UBE2E3: variants seen among roughly 807,000 people sequenced by gnomAD.
The protein encoded by UBE2E3 is ubiquitin conjugating enzyme E2 E3, also known as ubiquitin-conjugating enzyme E2 E3.
A neutral mutation model predicts 23.6 loss-of-function variants in UBE2E3; 5 were observed. The ratio of observed to expected loss-of-function variants is 0.21; its 90% CI spans 0.11 to 0.44. UBE2E3 has a LOEUF of 0.44. UBE2E3 is among the 20% of genes least tolerant of loss of function. The probability of loss-of-function intolerance (pLI) is 0.99; values close to 1 mark genes in which losing one functional copy is unlikely to be tolerated. For synonymous variants in UBE2E3, 78 were observed against 87.5 expected (o/e 0.89, Z 0.60); for missense variants, 81 against 249.8 (o/e 0.32, Z 4.55).
intron 3 of UBE2E3, among the ~76,000 whole-genome samples, chr2:181,012,323 G>A (rs538348098): frequency 4.7e-4 from 71 of 152,160 alleles, no homozygotes; most frequent in African/African-American, 1.7e-3. Flanking sequence ...CAGTTGACAG[G>A]GTATTGGTTA....
intron 3 of UBE2E3, among the ~76,000 whole-genome samples, chr2:181,037,443 A>G (rs938551284): frequency 4.6e-5 from 7 of 152,160 alleles, no homozygotes; most frequent in African/African-American, 1.7e-4. Context: ...GCGGTGGAAG[A>G]CAGTAGTGAT....
rs2105641458 is a variant in UBE2E3, at chr2:181,028,760, T to G, written c.246-28933T>G. Among the ~76,000 whole-genome samples, 3 of 152,224 alleles carry G rather than the reference T, an allele frequency of 2.0e-5. No individual in the cohort carries two copies. In the Middle Eastern group the frequency reaches 0.01, roughly 518 times the overall value. Reference sequence around the variant, plus strand: ...TTGTTTTATTAGGGGTTCTTATGTATTGTGGATACAGATGCCTTTTGTACA... The same window carrying G: ...TTGTTTTATTAGGGGTTCTTATGTAGTGTGGATACAGATGCCTTTTGTACA... On this transcript the variant is annotated intron_variant, in intron 3 of 5. Transcript: ENST00000410062.
At chr2:180,981,996 C>T (rs375318991) in intron 1 of UBE2E3, 22 bp from the exon 2 acceptor site, 82 of 1,515,886 alleles carry the variant, frequency 5.4e-5, no homozygotes, top group Admixed American at 8.2e-5. Flanking sequence ...TTCTCCTCCT[C>T]CTCCCCTGTT....
chr2:181,003,332 T>C (rs891900823), intron 3 of UBE2E3, among the ~76,000 whole-genome samples: 2 of 152,232 alleles, frequency 1.3e-5, no homozygotes, highest in African/African-American at 4.8e-5. Context: ...ATAGACAATC[T>C]TGCCATTAGC....
At chr2:180,987,367 C>A (rs958514111) in intron 3 of UBE2E3, 2 of 1,549,928 alleles carry the variant, frequency 1.3e-6, no homozygotes, top group African/African-American at 2.7e-5. Flanking sequence ...CTAGTCACCA[C>A]TTGTGCAAAC....
intron 3 of UBE2E3, among the ~76,000 whole-genome samples, chr2:181,032,226 A>G (rs548783097): frequency 1.3e-5 from 2 of 152,310 alleles, no homozygotes; most frequent in African/African-American, 4.8e-5. Flanking sequence ...AGCGAACATC[A>G]TTATTTCAAA....
intron 3 of UBE2E3, among the ~76,000 whole-genome samples, chr2:181,041,883 C>G (rs1343699851): frequency 6.6e-6 from 1 of 152,184 alleles, no homozygotes; most frequent in Non-Finnish European, 1.5e-5. Flanking sequence ...ACACCTCATC[C>G]TTGCCATCAC....
chr2:181,000,507 C>A (rs1684959063), intron 3 of UBE2E3, among the ~76,000 whole-genome samples: 1 of 151,940 alleles, frequency 6.6e-6, no homozygotes, highest in Non-Finnish European at 1.5e-5. Context: ...TAAATGGTAT[C>A]CCCTGAGTTG....
At chr2:181,048,486 G>C (rs1009211608) in intron 3 of UBE2E3, among the ~76,000 whole-genome samples, 2 of 152,080 alleles carry the variant, frequency 1.3e-5, no homozygotes, top group African/African-American at 4.8e-5. Flanking sequence ...ACCATTTCCT[G>C]GTTGGTTGTT....
At chr2:180,991,980 G>A (rs904948717) in intron 3 of UBE2E3, among the ~76,000 whole-genome samples, 2 of 152,206 alleles carry the variant, frequency 1.3e-5, no homozygotes, top group Non-Finnish European at 2.9e-5. Context: ...TGCACAGATA[G>A]GTAGGGACTG....
chr2:180,997,846 A>G (rs1342216034), intron 3 of UBE2E3, among the ~76,000 whole-genome samples: 2 of 152,088 alleles, frequency 1.3e-5, no homozygotes, highest in Admixed American at 6.6e-5. Flanking sequence ...TTTAAAGCCT[A>G]TTTCAGATGT....
chr2:181,023,842 T>TCATA (rs1179542900), intron 3 of UBE2E3, among the ~76,000 whole-genome samples: 1 of 152,194 alleles, frequency 6.6e-6, no homozygotes, highest in Non-Finnish European at 1.5e-5. Context: ...CATGGAAAGT[T>TCATA]CATAAACTGG....
At chr2:181,053,655 G>T (rs1206025499) in intron 3 of UBE2E3, among the ~76,000 whole-genome samples, 1 of 151,792 alleles carries the variant, frequency 6.6e-6, no homozygotes, top group Non-Finnish European at 1.5e-5. Context: ...CCACACTACA[G>T]TGGTATAGTT....
At position 180,982,177 on chromosome 2, in the gene UBE2E3, G is replaced by A; in HGVS notation, c.135G>A (p.Gln45=). The change falls in exon 2 of 6, where the codon CAG becomes CAA. Residue 45 remains glutamine, a synonymous_variant. Transcript: ENST00000410062. ...QEERKPSATQ[Q]KKNTKLSSKT... ...AAAGAAAACCTTCTGCCACCCAGCA[G>A]AAGAAAAACACCAAACTCTCTAGCA... 3 of 1,612,884 alleles carry A rather than the reference G, an allele frequency of 1.9e-6. No individual in the cohort carries two copies. Among genetic ancestry groups the A allele is most frequent in the African/African-American group, 1.3e-5 (1 of 74,830 alleles).
intron 3 of UBE2E3, among the ~76,000 whole-genome samples, chr2:181,055,786 A>G (rs1202202710): frequency 6.6e-6 from 1 of 151,808 alleles, no homozygotes; most frequent in Non-Finnish European, 1.5e-5. Context: ...GTGGGAATCC[A>G]AGCTCTTCTA....
chr2:181,039,756 C>T (rs1686424330), intron 3 of UBE2E3, among the ~76,000 whole-genome samples: 1 of 152,144 alleles, frequency 6.6e-6, no homozygotes, highest in Non-Finnish European at 1.5e-5. Flanking sequence ...AAAATGTCAT[C>T]CCGTGGTATC....
intron 3 of UBE2E3, among the ~76,000 whole-genome samples, chr2:181,028,563 C>T (rs1451915928): frequency 6.6e-6 from 1 of 152,130 alleles, no homozygotes; most frequent in East Asian, 1.9e-4. Flanking sequence ...TCAACTCTGA[C>T]AATCTTCAGA....
At chr2:181,054,529 A>G (rs970626090) in intron 3 of UBE2E3, among the ~76,000 whole-genome samples, 1 of 151,724 alleles carries the variant, frequency 6.6e-6, no homozygotes, top group Non-Finnish European at 1.5e-5. Flanking sequence ...CCATCTGTTT[A>G]TCTTTGGTGT....
chr2:181,050,668 T>G (rs1686815771), intron 3 of UBE2E3, among the ~76,000 whole-genome samples: 1 of 151,852 alleles, frequency 6.6e-6, no homozygotes, highest in South Asian at 2.1e-4. Context: ...TGAAGACATT[T>G]TAGAAGAGAA....
Sources: allele counts gnomAD v4.1 joint callset (sites outside exome capture counted in the v4.1 genomes callset), GRCh38; gene constraint gnomAD v4.1.1; transcripts MANE v1.5; gene names NCBI Gene and HGNC (gene_info 2026-07-23, HGNC 2026-07-21).